The following GFY variants were observed in gnomAD, a reference collection of about 807,000 sequenced individuals.
GFY encodes the protein golgi associated olfactory signaling regulator.
In GFY, 28 loss-of-function variants were observed where a neutral mutation model predicts 29.1. The observed-to-expected ratio is 0.96, with a 90% CI of 0.71 to 1.32. The LOEUF is 1.32. Ranked by LOEUF, GFY falls within the 40% of genes most tolerant of loss-of-function variation. The pLI is 0.00. For synonymous variants in GFY, 277 were observed against 274.5 expected (o/e 1.01, Z -0.09); for missense variants, 656 against 661.9 (o/e 0.99, Z 0.10).
chr19:49,426,760 CACA>C lies in GFY; in HGVS notation c.333_335del (p.Thr112del). 1 of 1,535,576 alleles carries C rather than the reference CACA, an allele frequency of 6.5e-7. No homozygotes were observed. The highest frequency in any genetic ancestry group is 1.4e-5 in the African/African-American group (1 of 72,798). ...CTGAGACCCCCAAAGCTGACTCACTCACAACCTCAATATCAGAATCCCTGGACA... is the reference window on the plus strand; with the variant it reads ...CTGAGACCCCCAAAGCTGACTCACTCACCTCAATATCAGAATCCCTGGACA... On this transcript the variant is annotated inframe_deletion, in exon 2 of 4. Coordinates refer to ENST00000610896, the MANE Select transcript of GFY (RefSeq NM_001195256.2).
Position 49,428,004 on chromosome 19 carries a change from C to A in GFY, c.1242C>A (p.Phe414Leu), listed in dbSNP as rs758294333. The change falls in exon 3 of 4, where the codon TTC becomes TTA. Residue 414 changes from phenylalanine (F) to leucine (L), a missense_variant. Transcript: ENST00000610896. ...CAGGCGGGGCCCTCTGCCTGTTCTT[C>A]GCGGGGACCGCGCTGCTGATCGGCA... ...GAAGGALCLFFAGTALLIGIF... is the reference protein window; with the variant it reads ...GAAGGALCLFLAGTALLIGIF... 204 of 1,535,948 alleles carry A rather than the reference C, an allele frequency of 1.3e-4. 1 individual carries two copies. In the African/African-American group the frequency reaches 2.5e-3, roughly 19 times the overall value.
intron 2 of GFY, among the ~76,000 whole-genome samples, 157 bp downstream of exon 2, chr19:49,427,770 G>A (rs1368876201): frequency 6.6e-6 from 1 of 151,918 alleles, no homozygotes; most frequent in East Asian, 1.9e-4. Context: ...AGGGGCTGGG[G>A]GCCTGGACTC....
rs2122286163 is a variant in GFY, at chr19:49,428,881, T to C, written c.*63T>C. ...GTGAAGGAAAACCCTGCGCTTCTGG[T>C]ATGCTTAGCTAGAGTAGTGCCCCGG... On this transcript the variant is annotated 3_prime_UTR_variant, in exon 4 of 4. Coordinates refer to ENST00000610896, the MANE Select transcript of GFY (RefSeq NM_001195256.2). 8.8e-7 allele frequency: 1 copy of C among 1,136,320 alleles called. No individual in the cohort carries two copies. The allele number at this position is 1,136,320 out of a possible 1,614,324, so 70.4% of individuals were successfully genotyped here. A position where few individuals can be genotyped will look rare whatever the true frequency, so the allele number is the denominator to read the frequency against.
chr19:49,425,944 A>G (rs1975067649), intron 1 of GFY, among the ~76,000 whole-genome samples: 1 of 151,922 alleles, frequency 6.6e-6, no homozygotes, highest in Admixed American at 6.6e-5. Context: ...CCAGAGCCCA[A>G]ATGTCTCCCT....
rs770884801 is a variant in GFY at position 49,426,837 on chromosome 19, C to T, written c.407C>T (p.Thr136Ile). 1 of 1,535,918 alleles carries T rather than the reference C, an allele frequency of 6.5e-7. No individual in the cohort carries two copies. The highest frequency in any genetic ancestry group is 1.4e-5 in the African/African-American group (1 of 73,020). The change falls in exon 2 of 4, where the codon ACC becomes ATC. Residue 136 changes from threonine (T) to isoleucine (I), a missense_variant. Coordinates refer to ENST00000610896, the MANE Select transcript of GFY (RefSeq NM_001195256.2). ...SKMAHPESSE[T>I]PTPGPTEMPH... ...ATGGCACACCCAGAGTCTTCTGAGA[C>T]CCCCACACCTGGCCCAACTGAAATG... is the stretch of plus-strand genomic sequence containing the variant.
At chr19:49,424,523 C>T (rs1456713738), upstream of GFY, among the ~76,000 whole-genome samples, 2 of 149,776 alleles carry the variant, frequency 1.3e-5, no homozygotes, top group African/African-American at 2.4e-5. Context: ...GGATTACAGG[C>T]GTGAGCCAGC....
chr19:49,427,430 G>GC lies in GFY; in HGVS notation c.1006dup (p.Gln336ProfsTer6). The GC allele has an allele frequency of 6.5e-7, 1 of 1,535,476 alleles. No homozygotes were observed. The highest frequency in any genetic ancestry group is 1.2e-5 in the South Asian group (1 of 83,958). On this transcript the variant is annotated frameshift_variant, in exon 2 of 4. Transcript: ENST00000610896. LOFTEE classifies it high-confidence loss of function. ...TTCTCCAGGAATGGTTGAGCTGAAG[G>GC]CCCCCCAGAACTCTGGCCCTAAGGA...
Position 49,426,962 on chromosome 19 carries a change from C to T in GFY, c.532C>T (p.Pro178Ser), listed in dbSNP as rs975154261. 2.6e-6 allele frequency: 4 copies of T among 1,535,746 alleles called. No individual in the cohort carries two copies. The African/African-American group carries it at 4.1e-5, about 16-fold the overall frequency. Residue 178 changes from proline (P) to serine (S), a missense_variant, in exon 2 of 4, where the codon CCC becomes TCC. Pro to Ser is a moderately conservative substitution (Grantham distance 74, BLOSUM62 -1). Transcript: ENST00000610896. ...TPNTDLMQTTPQESPEILQLN... is the reference protein window; with the variant it reads ...TPNTDLMQTTSQESPEILQLN... ...AAACACTGACCTTATGCAAACTACA[C>T]CCCAAGAATCCCCAGAGATTCTGCA... is the stretch of plus-strand genomic sequence containing the variant.
rs1270860076 is a variant in GFY at position 49,428,817 on chromosome 19, G to A, written c.1556G>A (p.Ter519=). 9.1e-6 allele frequency: 13 copies of A among 1,434,548 alleles called. No individual in the cohort carries two copies. Among genetic ancestry groups the A allele is most frequent in the Non-Finnish European group, 1.2e-5 (13 of 1,095,180 alleles). 88.9% of individuals were successfully genotyped at this position (1,434,548 alleles called of 1,614,324 possible). The part of the protein sequence containing the change: ...SPATLPNNFV[*] ...GCCACGCTCCCCAACAACTTCGTGTGAGCCCCACCGAGTTCTGCCGGACCT... is the reference window on the plus strand; with the variant it reads ...GCCACGCTCCCCAACAACTTCGTGTAAGCCCCACCGAGTTCTGCCGGACCT... Residue 519 remains the stop codon, a stop_retained_variant, in exon 4 of 4, where the codon TGA becomes TAA. Coordinates refer to ENST00000610896, the MANE Select transcript of GFY (RefSeq NM_001195256.2).
chr19:49,428,835 C>T lies in GFY; in HGVS notation c.*17C>T. On this transcript the variant is annotated 3_prime_UTR_variant, in exon 4 of 4. Transcript: ENST00000610896. Reference sequence around the variant, plus strand: ...TTCGTGTGAGCCCCACCGAGTTCTGCCGGACCTGCACATCCCCACAGTGAA... The same window carrying T: ...TTCGTGTGAGCCCCACCGAGTTCTGTCGGACCTGCACATCCCCACAGTGAA... 2 of 1,421,006 alleles carry T rather than the reference C, an allele frequency of 1.4e-6. No homozygotes were observed. Among genetic ancestry groups the T allele is most frequent in the East Asian group, 2.7e-5 (1 of 37,072 alleles). The allele number at this position is 1,421,006 out of a possible 1,614,324, so 88.0% of individuals were successfully genotyped here.
At chr19:49,426,368 A>C in intron 1 of GFY, 42 bp from the exon 2 acceptor site, 1 of 1,449,262 alleles carries the variant, frequency 6.9e-7, no homozygotes, top group Non-Finnish European at 9.0e-7. Context: ...GGCTCCTGGG[A>C]GCCTTCGGCC....
rs2078945124 is a variant in GFY at position 49,428,764 on chromosome 19, C to T, written c.1503C>T (p.Arg501=). The T allele has an allele frequency of 6.6e-7, 1 of 1,511,094 alleles. No individual in the cohort carries two copies. Among genetic ancestry groups the T allele is most frequent in the Non-Finnish European group, 8.8e-7 (1 of 1,134,902 alleles). 93.6% of individuals were successfully genotyped at this position (1,511,094 alleles called of 1,614,324 possible). A position where few individuals can be genotyped will look rare whatever the true frequency, so the allele number is the denominator to read the frequency against. Reference sequence around the variant, plus strand: ...TGCCCCCGCCGCCCCGCGGGGGTCGCCCGCAGCGTCTGGAGGCCCTGTCCC... The same window carrying T: ...TGCCCCCGCCGCCCCGCGGGGGTCGTCCGCAGCGTCTGGAGGCCCTGTCCC... ...PKLPPPPRGG[R]PQRLEALSPA... is the part of the protein sequence containing the mutation. Residue 501 remains arginine, a synonymous_variant, in exon 4 of 4, where the codon CGC becomes CGT. Transcript: ENST00000610896.
upstream of GFY, among the ~76,000 whole-genome samples, chr19:49,424,614 G>C (rs1300491784): frequency 6.6e-6 from 1 of 152,076 alleles, no homozygotes; most frequent in Non-Finnish European, 1.5e-5. Context: ...ACTTTGGAAG[G>C]CCGTGGTGGG....
At chr19:49,424,572 C>T (rs1214020129), upstream of GFY, among the ~76,000 whole-genome samples, 1 of 147,694 alleles carries the variant, frequency 6.8e-6, no homozygotes, top group African/African-American at 2.5e-5. Context: ...GGGCCTCAGC[C>T]GGGTGCTGTG....
Position 49,427,631 on chromosome 19 carries a change from G to T in GFY, c.1183+18G>T. 1.4e-6 allele frequency: 2 copies of T among 1,407,188 alleles called. No homozygotes were observed. The highest frequency in any genetic ancestry group is 1.8e-6 in the Non-Finnish European group (2 of 1,084,008). The allele number at this position is 1,407,188 out of a possible 1,614,324, so 87.2% of individuals were successfully genotyped here. On this transcript the variant is annotated intron_variant, in intron 2 of 3. Transcript: ENST00000610896. Reference sequence around the variant, plus strand: ...GGAGACCGGTGAGGGGCAGGAGCCGGACTCCTGAGTCTGAGGGAGGGGCTG... The same window carrying T: ...GGAGACCGGTGAGGGGCAGGAGCCGTACTCCTGAGTCTGAGGGAGGGGCTG...
chr19:49,425,933 C>G (rs1165206249), intron 1 of GFY, among the ~76,000 whole-genome samples: 1 of 152,180 alleles, frequency 6.6e-6, no homozygotes, highest in Admixed American at 6.5e-5. Context: ...ACCTTCTTAA[C>G]CCAGAGCCCA....
chr19:49,427,959 G>T lies in GFY; in HGVS notation c.1197G>T (p.Val399=), dbSNP rs529281773. ...ERVKETGVTL[V]GRPRGAAGGA... is the part of the protein sequence containing the mutation. ...ATCCCCCTTCAGGCGTGACTCTGGT[G>T]GGGCGACCACGTGGCGCAGCAGGCG... The change falls in exon 3 of 4, where the codon GTG becomes GTT. Residue 399 remains valine (V), a synonymous_variant. Coordinates refer to ENST00000610896, the MANE Select transcript of GFY (RefSeq NM_001195256.2). 1 of 1,534,670 alleles carries T rather than the reference G, an allele frequency of 6.5e-7. No individual in the cohort carries two copies. Among genetic ancestry groups the T allele is most frequent in the South Asian group, 1.2e-5 (1 of 84,018 alleles).
In GFY at chr19:49,428,838, G is replaced by A. The variant is rs565559054; in HGVS notation, c.*20G>A. The A allele has an allele frequency of 9.9e-6, 14 of 1,413,912 alleles. No individual in the cohort carries two copies. The East Asian group carries it at 3.8e-4, about 38-fold the overall frequency. The allele number at this position is 1,413,912 out of a possible 1,614,324, so 87.6% of individuals were successfully genotyped here. ...GTGTGAGCCCCACCGAGTTCTGCCG[G>A]ACCTGCACATCCCCACAGTGAAGGA... On this transcript the variant is annotated 3_prime_UTR_variant, in exon 4 of 4. Coordinates refer to ENST00000610896, the MANE Select transcript of GFY (RefSeq NM_001195256.2).
upstream of GFY, among the ~76,000 whole-genome samples, chr19:49,424,279 G>C (rs748640025): frequency 8.5e-5 from 13 of 152,148 alleles, no homozygotes; most frequent in Non-Finnish European, 1.8e-4. Context: ...TCTTGCTCTT[G>C]TTGCCCAGGC....
Sources: gnomAD v4.1 joint callset for allele counts (sites outside exome capture counted in the v4.1 genomes callset) on GRCh38, gnomAD v4.1.1 for gene constraint, MANE v1.5 for transcripts, NCBI Gene and HGNC (gene_info 2026-07-23, HGNC 2026-07-21) for gene names.